Variants in EFL1 observed in about 807,000 individuals in gnomAD.
EFL1 encodes the protein elongation factor-like GTPase 1.
EFL1 carries 76 observed loss-of-function variants against 126.7 expected under a neutral mutation model. The ratio of observed to expected loss-of-function variants is 0.60; its 90% CI spans 0.50 to 0.73. The LOEUF is 0.73. Ranked by LOEUF, EFL1 falls within the 30% of genes least tolerant of loss-of-function variation. The probability of loss-of-function intolerance (pLI) is 0.00; values close to 1 mark genes in which losing one functional copy is unlikely to be tolerated. For synonymous variants in EFL1, 410 were observed against 448.4 expected, an observed-to-expected ratio of 0.91 and a Z score of 1.08; for missense variants, 1,128 against 1,343.2, an observed-to-expected ratio of 0.84 and a Z score of 2.50.
chr15:82,137,308 T>C (rs2073732136), intron 19 of EFL1, among the ~76,000 whole-genome samples: 1 of 152,042 alleles, frequency 6.6e-6, no homozygotes, highest in African/African-American at 2.4e-5. Context: ...CTAAAGAAAG[T>C]GAGAAAGATA....
At chr15:82,245,382 C>A (rs2074962722) in intron 4 of EFL1, among the ~76,000 whole-genome samples, 1 of 152,106 alleles carries the variant, frequency 6.6e-6, no homozygotes, top group South Asian at 2.1e-4. Context: ...CTAAGTGATC[C>A]TTCTGCCTCA....
chr15:82,218,409 C>T (rs563056096), intron 14 of EFL1, among the ~76,000 whole-genome samples: 1 of 152,182 alleles, frequency 6.6e-6, no homozygotes, highest in Admixed American at 6.5e-5. Flanking sequence ...CTGCTTAAGA[C>T]ATGAGACACA....
chr15:82,143,210 T>C (rs2141218465), intron 18 of EFL1, among the ~76,000 whole-genome samples: 1 of 152,324 alleles, frequency 6.6e-6, no homozygotes, highest in Admixed American at 6.5e-5. Context: ...ATTGATAAGA[T>C]TACACGCAGA....
At chr15:82,169,603 T>A (rs1478126352) in intron 15 of EFL1, among the ~76,000 whole-genome samples, 1 of 152,234 alleles carries the variant, frequency 6.6e-6, no homozygotes, top group African/African-American at 2.4e-5. Flanking sequence ...ATTAGTTCTT[T>A]ATGTAATAAA....
intron 4 of EFL1, among the ~76,000 whole-genome samples, chr15:82,246,780 G>T (rs2074976761): frequency 6.6e-6 from 1 of 152,046 alleles, no homozygotes; most frequent in Admixed American, 6.6e-5. Flanking sequence ...TCTTTTCTGT[G>T]AAATAGAAGG....
intron 17 of EFL1, 64 bp downstream of exon 17, chr15:82,157,649 A>G (rs1438818564): frequency 3.9e-6 from 6 of 1,536,376 alleles, no homozygotes; most frequent in Non-Finnish European, 5.3e-6. Context: ...CTGGTTTAGG[A>G]AACACTAAAA....
chr15:82,130,506 A>G lies in EFL1; in HGVS notation c.3230T>C (p.Phe1077Ser). The G allele has an allele frequency of 6.2e-7, 1 of 1,614,120 alleles. No homozygotes were observed. Among genetic ancestry groups the G allele is most frequent in the Non-Finnish European group, 8.5e-7 (1 of 1,180,032 alleles). ...VPTTEEEYLH[F>S]GEKADSENQA... The stretch of plus-strand genomic sequence containing the variant: ...GTTCTCAGAGTCAGCCTTCTCCCCA[A>G]AGTGCAAGTATTCCTCCTCAGTAGT... Residue 1077 changes from phenylalanine to serine, a missense_variant, in exon 20 of 20, where the codon TTT becomes TCT. Coordinates refer to ENST00000268206, the MANE Select transcript of EFL1 (RefSeq NM_024580.6).
intron 15 of EFL1, among the ~76,000 whole-genome samples, chr15:82,180,339 A>T (rs1357590303): frequency 1.4e-5 from 2 of 145,816 alleles, no homozygotes; most frequent in African/African-American, 5.1e-5. Flanking sequence ...AAAATGAAGC[A>T]GTAACTGCGA....
At chr15:82,200,129 C>T (rs1311566069) in intron 15 of EFL1, among the ~76,000 whole-genome samples, 1 of 152,034 alleles carries the variant, frequency 6.6e-6, no homozygotes, top group Non-Finnish European at 1.5e-5. Context: ...ACCTATGCAT[C>T]GGGAAAAAAA....
At chr15:82,258,941 T>G in intron 3 of EFL1, 147 bp downstream of exon 3, 1 of 716,246 alleles carries the variant, frequency 1.4e-6, no homozygotes, top group Non-Finnish European at 2.4e-6. Context: ...CTCAGCATTT[T>G]TATCTTGCAA....
chr15:82,229,691 A>G (rs1026297570), intron 8 of EFL1, among the ~76,000 whole-genome samples: 1 of 152,186 alleles, frequency 6.6e-6, no homozygotes, highest in Non-Finnish European at 1.5e-5. Context: ...ATTAAAAGTC[A>G]TTGGCTTAGA....
chr15:82,240,174 C>T (rs1243492162), intron 6 of EFL1, among the ~76,000 whole-genome samples: 2 of 152,062 alleles, frequency 1.3e-5, no homozygotes, highest in Non-Finnish European at 2.9e-5. Flanking sequence ...ACTTTGGAAC[C>T]AAGATACAGT....
chr15:82,246,673 G>C (rs1453471536), intron 4 of EFL1, among the ~76,000 whole-genome samples: 1 of 152,088 alleles, frequency 6.6e-6, no homozygotes, highest in Non-Finnish European at 1.5e-5. Flanking sequence ...AGATCATTAA[G>C]TCCAGAGCAC....
At chr15:82,196,607 T>C (rs2074410050) in intron 15 of EFL1, among the ~76,000 whole-genome samples, 1 of 152,152 alleles carries the variant, frequency 6.6e-6, no homozygotes, top group South Asian at 2.1e-4. Context: ...TGAAGAGAAA[T>C]TTACCACTAA....
chr15:82,145,339 TAAAG>T (rs1595939759), intron 18 of EFL1, among the ~76,000 whole-genome samples: 1 of 150,022 alleles, frequency 6.7e-6, no homozygotes, highest in African/African-American at 2.5e-5. Flanking sequence ...GGGACACTTA[TAAAG>T]AATGTTTCTG....
chr15:82,223,006 G>C (rs1233888303), intron 12 of EFL1, among the ~76,000 whole-genome samples: 1 of 152,154 alleles, frequency 6.6e-6, no homozygotes, highest in African/African-American at 2.4e-5. Flanking sequence ...CAACCACAGT[G>C]GCACTGTTGA....
intron 18 of EFL1, among the ~76,000 whole-genome samples, chr15:82,140,090 T>C (rs2073769332): frequency 1.3e-5 from 2 of 152,174 alleles, no homozygotes; most frequent in South Asian, 2.1e-4. Context: ...CTTCACCATG[T>C]TTAGGTTTAG....
intron 17 of EFL1, among the ~76,000 whole-genome samples, chr15:82,155,681 T>C (rs183004103): frequency 3.3e-5 from 5 of 152,340 alleles, no homozygotes; most frequent in African/African-American, 7.2e-5. Context: ...GTTGTACCAA[T>C]TGATATCCCC....
chr15:82,254,705 T>C (rs1388270154), intron 3 of EFL1, among the ~76,000 whole-genome samples: 1 of 152,198 alleles, frequency 6.6e-6, no homozygotes, highest in Non-Finnish European at 1.5e-5. Context: ...TTCAGCCACA[T>C]TGACGTAATT....
Sources: gnomAD v4.1 joint callset for allele counts (sites outside exome capture counted in the v4.1 genomes callset) on GRCh38, gnomAD v4.1.1 for gene constraint, MANE v1.5 for transcripts, NCBI Gene and HGNC (gene_info 2026-07-23, HGNC 2026-07-21) for gene names.